MED12L: variants seen among roughly 807,000 people sequenced by gnomAD.
MED12L encodes mediator of RNA polymerase II transcription subunit 12-like protein.
MED12L carries 60 observed loss-of-function variants against 281.3 expected under a neutral mutation model. The observed-to-expected ratio is 0.21, with a 90% CI of 0.17 to 0.26. The LOEUF is 0.26. Ranked by LOEUF, MED12L falls within the 10% of genes least tolerant of loss-of-function variation. The pLI, the probability that MED12L is intolerant of heterozygous loss-of-function variation, is 1.00. For synonymous variants in MED12L, 974 were observed against 987.2 expected (o/e 0.99, Z 0.25); for missense variants, 2,146 against 2,680.9 (o/e 0.80, Z 4.41).
chr3:151,213,944 T>C lies in MED12L; in HGVS notation c.2250+20278T>C, dbSNP rs1390847267. 6.2e-7 allele frequency: 1 copy of C among 1,614,018 alleles called. No homozygotes were observed. The highest frequency in any genetic ancestry group is 8.5e-7 in the Non-Finnish European group (1 of 1,180,002). ...TGGATGAAAGAAGTCCAAAGAGGCT[T>C]TACAATTTTATAATATCTGTCAAAG... On this transcript the variant is annotated intron_variant, in intron 16 of 44. Coordinates refer to ENST00000687756, the MANE Select transcript of MED12L (RefSeq NM_001393769.1).
chr3:151,235,761 G>A (rs1732620482), intron 16 of MED12L, among the ~76,000 whole-genome samples: 2 of 151,936 alleles, frequency 1.3e-5, no homozygotes, highest in South Asian at 4.2e-4. Context: ...CTTGGAGCTG[G>A]CTTCTGCCTG....
intron 16 of MED12L, among the ~76,000 whole-genome samples, chr3:151,320,131 G>A (rs537583153): frequency 6.6e-6 from 1 of 152,082 alleles, no homozygotes; most frequent in South Asian, 2.1e-4. Context: ...TTCTGCATTG[G>A]TGTGGACCTG....
At chr3:151,258,222 G>A (rs1046886037) in intron 16 of MED12L, among the ~76,000 whole-genome samples, 3 of 152,144 alleles carry the variant, frequency 2.0e-5, no homozygotes. Context: ...GAAGCTAGAT[G>A]GGAACTAGCT....
chr3:151,102,900 A>G (rs1721566688), intron 2 of MED12L, among the ~76,000 whole-genome samples: 1 of 152,198 alleles, frequency 6.6e-6, no homozygotes, highest in Admixed American at 6.5e-5. Flanking sequence ...AAAGAAGGAT[A>G]AAAGAAAGGA....
intron 16 of MED12L, among the ~76,000 whole-genome samples, chr3:151,305,283 C>G (rs1049854398): frequency 2.6e-5 from 4 of 152,228 alleles, no homozygotes; most frequent in Non-Finnish European, 5.9e-5. Flanking sequence ...TGAAACCACA[C>G]AAGAATGTGA....
In MED12L at chr3:151,434,812, C is replaced by T. The variant is rs1264121957; in HGVS notation, c.*2008C>T. ...GTTTTAAGAATGAGTGTTATAATTG[C>T]ATAGCATTTGTATGCACTTTATACT... On this transcript the variant is annotated 3_prime_UTR_variant, in exon 45 of 45. Coordinates refer to ENST00000687756, the MANE Select transcript of MED12L (RefSeq NM_001393769.1). 6.6e-6 allele frequency: 1 copy of T among 152,176 alleles called. No homozygotes were observed. Among genetic ancestry groups the T allele is most frequent in the Non-Finnish European group, 1.5e-5 (1 of 68,024 alleles). The allele number at this position is 152,176 out of a possible 1,614,324, so 9.4% of individuals were successfully genotyped here. A position where few individuals can be genotyped will look rare whatever the true frequency, so the allele number is the denominator to read the frequency against.
intron 2 of MED12L, among the ~76,000 whole-genome samples, chr3:151,100,773 T>A (rs1721291888): frequency 6.6e-6 from 1 of 152,192 alleles, no homozygotes; most frequent in Admixed American, 6.5e-5. Flanking sequence ...CTCACTTGAA[T>A]CTGCTTTTAA....
chr3:151,095,716 C>T (rs972135146), intron 2 of MED12L, among the ~76,000 whole-genome samples: 3 of 152,126 alleles, frequency 2.0e-5, no homozygotes, highest in African/African-American at 7.2e-5. Context: ...TTGCCTGCTT[C>T]TCACTAAAAA....
At chr3:151,206,642 C>CTTTTTTTTTTTTTTTTTTTTTT (rs747558778) in intron 16 of MED12L, among the ~76,000 whole-genome samples, 1 of 70,316 alleles carries the variant, frequency 1.4e-5, no homozygotes, top group Non-Finnish European at 2.4e-5. Flanking sequence ...AACACATTAT[C>CTTTTTTTTTTTTTTTTTTTTTT]TTTTTTTTTT....
intron 16 of MED12L, among the ~76,000 whole-genome samples, chr3:151,246,938 C>T (rs932157097): frequency 6.6e-6 from 1 of 152,140 alleles, no homozygotes; most frequent in Non-Finnish European, 1.5e-5. Flanking sequence ...AAACAAACAA[C>T]CCCATCAAAA....
chr3:151,379,642 A>C (rs1711880462), intron 31 of MED12L, among the ~76,000 whole-genome samples: 1 of 152,184 alleles, frequency 6.6e-6, no homozygotes. Flanking sequence ...GGTCTTGGGA[A>C]ATGTGCTGAA....
At chr3:151,336,188 A>G (rs542091978) in intron 16 of MED12L, among the ~76,000 whole-genome samples, 1 of 152,324 alleles carries the variant, frequency 6.6e-6, no homozygotes, top group African/African-American at 2.4e-5. Context: ...AAATTTATGC[A>G]TATGATTTTA....
At chr3:151,165,694 G>C in intron 10 of MED12L, 152 bp from the exon 11 acceptor site, 1 of 968,446 alleles carries the variant, frequency 1.0e-6, no homozygotes, top group Non-Finnish European at 1.6e-6. Flanking sequence ...AGAATGTCAA[G>C]TTTGGTTTTG....
At chr3:151,349,838 C>T (rs1164988720) in intron 16 of MED12L, among the ~76,000 whole-genome samples, 1 of 149,304 alleles carries the variant, frequency 6.7e-6, no homozygotes, top group African/African-American at 2.5e-5. Context: ...ATTAAGACTT[C>T]AGGTCAGTTG....
chr3:151,235,510 C>A (rs975819005), intron 16 of MED12L, among the ~76,000 whole-genome samples: 2 of 152,104 alleles, frequency 1.3e-5, no homozygotes, highest in Non-Finnish European at 2.9e-5. Context: ...TCGAGACCAT[C>A]ATGGCTAACA....
intron 16 of MED12L, among the ~76,000 whole-genome samples, chr3:151,196,806 CAG>C (rs756533643): frequency 6.6e-6 from 1 of 152,158 alleles, no homozygotes; most frequent in Non-Finnish European, 1.5e-5. Context: ...ACTGCAGAGT[CAG>C]AATATTTTTA....
chr3:151,256,488 G>A (rs769052089), intron 16 of MED12L, among the ~76,000 whole-genome samples: 11 of 152,198 alleles, frequency 7.2e-5, no homozygotes, highest in Non-Finnish European at 1.0e-4. Context: ...TCCACAGGGA[G>A]TGTGAATGAG....
Position 151,384,163 on chromosome 3 carries a change from C to T in MED12L, c.4871C>T (p.Pro1624Leu), listed in dbSNP as rs746267820. 2 of 1,613,830 alleles carry T rather than the reference C, an allele frequency of 1.2e-6. No individual in the cohort carries two copies. Among genetic ancestry groups the T allele is most frequent in the Non-Finnish European group, 1.7e-6 (2 of 1,179,934 alleles). The change falls in exon 35 of 45, where the codon CCT becomes CTT. Residue 1624 changes from proline (P) to leucine (L), a missense_variant. Pro to Leu is a moderately conservative substitution (Grantham distance 98). Coordinates refer to ENST00000687756, the MANE Select transcript of MED12L (RefSeq NM_001393769.1). ...TLASDLSNAS[P>L]GGSEENKRAY... ...GCCTCTGACCTATCAAATGCATCCC[C>T]TGGGGGATCTGAAGAGAACAAGCGT...
chr3:151,343,340 T>G (rs1471377812), intron 16 of MED12L, among the ~76,000 whole-genome samples: 1 of 152,180 alleles, frequency 6.6e-6, no homozygotes, highest in Non-Finnish European at 1.5e-5. Flanking sequence ...TTTCTAAACC[T>G]CTAGAAGGGC....
Sources: gnomAD v4.1 joint callset for allele counts (sites outside exome capture counted in the v4.1 genomes callset) on GRCh38, gnomAD v4.1.1 for gene constraint, MANE v1.5 for transcripts, NCBI Gene and HGNC (gene_info 2026-07-23, HGNC 2026-07-21) for gene names.